ADAM29: variants seen among roughly 807,000 people sequenced by gnomAD.
ADAM29 encodes the protein ADAM metallopeptidase domain 29, also known as disintegrin and metalloproteinase domain-containing protein 29.
For synonymous variants in ADAM29, 367 were observed against 342.3 expected (o/e 1.07, Z -0.80); for missense variants, 969 against 1,001.8 (o/e 0.97, Z 0.44).
chr4:174,978,097 A>C lies in ADAM29; in HGVS notation c.*109A>C, dbSNP rs1442667432. On this transcript the variant is annotated 3_prime_UTR_variant, in exon 5 of 5. Transcript: ENST00000359240. ...TCAACCTCATGTGACACCTTACCGG[A>C]GTAAAAGTGGTAAACAAAAGCAATC... 2.0e-6 allele frequency: 3 copies of C among 1,519,352 alleles called. No individual in the cohort carries two copies. Among genetic ancestry groups the C allele is most frequent in the African/African-American group, 2.8e-5 (2 of 72,178 alleles). 94.1% of individuals were successfully genotyped at this position (1,519,352 alleles called of 1,614,324 possible). A position where few individuals can be genotyped will look rare whatever the true frequency, so the allele number is the denominator to read the frequency against.
intron 2 of ADAM29, among the ~76,000 whole-genome samples, chr4:174,922,627 A>C (rs1416539635): frequency 6.6e-6 from 1 of 152,148 alleles, no homozygotes; most frequent in Non-Finnish European, 1.5e-5. Context: ...TGAAGAGGTA[A>C]GAGAGAGACC....
At chr4:174,957,464 T>C (rs1745568078) in intron 4 of ADAM29, among the ~76,000 whole-genome samples, 1 of 151,814 alleles carries the variant, frequency 6.6e-6, no homozygotes, top group African/African-American at 2.4e-5. Flanking sequence ...GATATGGTGT[T>C]CCTCTGCCCT....
chr4:174,951,541 A>G lies in ADAM29; in HGVS notation c.-181+14528A>G, dbSNP rs143114642. Among the ~76,000 whole-genome samples the G allele has an allele frequency of 8.8e-3, 1,339 of 152,322 alleles. 17 individuals are homozygous for G. The highest frequency in any genetic ancestry group is 0.03 in the African/African-American group (1,238 of 41,564). Reference sequence around the variant, plus strand: ...TTTCACAACTTGAGGTGAGTTGTACATTATTCCTATTTAGGTATGAAATTG... The same window carrying G: ...TTTCACAACTTGAGGTGAGTTGTACGTTATTCCTATTTAGGTATGAAATTG... On this transcript the variant is annotated intron_variant, in intron 4 of 4. Transcript: ENST00000359240.
At position 174,976,974 on chromosome 4, in the gene ADAM29, T is replaced by G; in HGVS notation, c.1449T>G (p.Asp483Glu). ...HKCPDDFYVEDGIPCKERGYC... is the reference protein window; with the variant it reads ...HKCPDDFYVEEGIPCKERGYC... Reference sequence around the variant, plus strand: ...GCCCAGATGACTTTTATGTGGAAGATGGAATTCCCTGTAAGGAGAGGGGCT... The same window carrying G: ...GCCCAGATGACTTTTATGTGGAAGAGGGAATTCCCTGTAAGGAGAGGGGCT... Residue 483 changes from aspartate to glutamate, a missense_variant, in exon 5 of 5, where the codon GAT becomes GAG. Coordinates refer to ENST00000359240, the MANE Select transcript of ADAM29 (RefSeq NM_014269.4). 6.2e-7 allele frequency: 1 copy of G among 1,614,136 alleles called. No homozygotes were observed. Among genetic ancestry groups the G allele is most frequent in the African/African-American group, 1.3e-5 (1 of 75,040 alleles).
At chr4:174,954,567 T>G (rs1279302990) in intron 4 of ADAM29, among the ~76,000 whole-genome samples, 1 of 152,216 alleles carries the variant, frequency 6.6e-6, no homozygotes, top group Non-Finnish European at 1.5e-5. Flanking sequence ...TGCCTTCATA[T>G]TGAAACGGTT....
At position 174,978,023 on chromosome 4, in the gene ADAM29, C is replaced by T. The variant is rs1199398387; in HGVS notation, c.*35C>T. The T allele has an allele frequency of 6.2e-7, 1 of 1,601,960 alleles. No homozygotes were observed. On this transcript the variant is annotated 3_prime_UTR_variant, in exon 5 of 5. Coordinates refer to ENST00000359240, the MANE Select transcript of ADAM29 (RefSeq NM_014269.4). ...CAGTTGATGCCTTCCCAGAGTCAAC[C>T]TCCTGTGACGCCCTCCCAGAGCCAA...
At chr4:174,974,959 G>A (rs1746673076) in intron 4 of ADAM29, among the ~76,000 whole-genome samples, 1 of 152,104 alleles carries the variant, frequency 6.6e-6, no homozygotes, top group Non-Finnish European at 1.5e-5. Context: ...TAATGCTTAT[G>A]ACAATTTAAC....
intron 4 of ADAM29, among the ~76,000 whole-genome samples, chr4:174,960,897 C>G (rs1468017972): frequency 1.3e-5 from 2 of 152,074 alleles, no homozygotes; most frequent in Non-Finnish European, 2.9e-5. Context: ...TCATAGCAAC[C>G]AATCAAAAAG....
chr4:174,921,353 T>C (rs1743152942), intron 2 of ADAM29, among the ~76,000 whole-genome samples: 1 of 152,194 alleles, frequency 6.6e-6, no homozygotes, highest in East Asian at 1.9e-4. Context: ...CGCACACATG[T>C]AGGACAAACT....
chr4:174,950,275 A>T (rs1417308348), intron 4 of ADAM29, among the ~76,000 whole-genome samples: 1 of 152,196 alleles, frequency 6.6e-6, no homozygotes, highest in Non-Finnish European at 1.5e-5. Flanking sequence ...AGAATGTTTC[A>T]CAACTTAGTG....
intron 4 of ADAM29, among the ~76,000 whole-genome samples, chr4:174,971,632 CTT>C (rs1425252246): frequency 2.6e-5 from 4 of 152,068 alleles, no homozygotes; most frequent in African/African-American, 9.7e-5. Flanking sequence ...TCAAAATACA[CTT>C]TGTTTTTGAC....
chr4:174,957,170 A>T (rs1745555935), intron 4 of ADAM29, among the ~76,000 whole-genome samples: 1 of 151,896 alleles, frequency 6.6e-6, no homozygotes. Flanking sequence ...ACATCTGGAC[A>T]AACAGTTCAA....
chr4:174,950,413 C>G (rs893600855), intron 4 of ADAM29, among the ~76,000 whole-genome samples: 1 of 152,190 alleles, frequency 6.6e-6, no homozygotes, highest in Non-Finnish European at 1.5e-5. Context: ...AACTAACAAC[C>G]TGGTCTCCCA....
At chr4:174,958,770 A>G (rs1745647949) in intron 4 of ADAM29, among the ~76,000 whole-genome samples, 1 of 151,664 alleles carries the variant, frequency 6.6e-6, no homozygotes, top group Admixed American at 6.6e-5. Context: ...TTTATTTGGC[A>G]CAGTAGTTAC....
In ADAM29 at chr4:174,976,021, T is replaced by A. The variant is rs368577947; in HGVS notation, c.496T>A (p.Phe166Ile). 43 of 1,613,214 alleles carry A rather than the reference T, an allele frequency of 2.7e-5. No homozygotes were observed. Among genetic ancestry groups the A allele is most frequent in the Non-Finnish European group, 3.3e-5 (39 of 1,179,862 alleles). The change falls in exon 5 of 5, where the codon TTT becomes ATT. Residue 166 changes from phenylalanine to isoleucine, a missense_variant. Coordinates refer to ENST00000359240, the MANE Select transcript of ADAM29 (RefSeq NM_014269.4). ...EKQFSTMRSG[F>I]MQNEITCRME... The stretch of plus-strand genomic sequence containing the variant: ...ACAATTTTCAACCATGAGATCCGGA[T>A]TTATGCAAAATGAAATAACATGCCG...
At chr4:174,924,311 A>C (rs577129111) in intron 2 of ADAM29, among the ~76,000 whole-genome samples, 1 of 152,216 alleles carries the variant, frequency 6.6e-6, no homozygotes, top group South Asian at 2.1e-4. Flanking sequence ...AAAGAGGTTA[A>C]AATTTAAAAA....
intron 4 of ADAM29, among the ~76,000 whole-genome samples, chr4:174,974,657 A>G (rs1404177006): frequency 6.6e-6 from 1 of 152,252 alleles, no homozygotes; most frequent in Non-Finnish European, 1.5e-5. Context: ...CACTCCAAGA[A>G]CAATCAGCTT....
intron 4 of ADAM29, among the ~76,000 whole-genome samples, chr4:174,971,590 C>T (rs1560892079): frequency 1.3e-5 from 2 of 152,124 alleles, no homozygotes. Flanking sequence ...TGGACATTTT[C>T]TTTTATATGA....
chr4:174,960,907 G>C (rs1442706204), intron 4 of ADAM29, among the ~76,000 whole-genome samples: 5 of 152,118 alleles, frequency 3.3e-5, no homozygotes, highest in Non-Finnish European at 7.4e-5. Flanking sequence ...CAATCAAAAA[G>C]AGCCCAGTCT....
Sources: allele counts gnomAD v4.1 joint callset (sites outside exome capture counted in the v4.1 genomes callset), GRCh38; gene constraint gnomAD v4.1.1; transcripts MANE v1.5; gene names NCBI Gene and HGNC (gene_info 2026-07-23, HGNC 2026-07-21).